Variants in GABBR2 observed in about 807,000 individuals in gnomAD.
The protein encoded by GABBR2 is G-protein coupled receptor 51.
A neutral mutation model predicts 105.6 loss-of-function variants in GABBR2; 23 were observed. That is an observed-to-expected ratio of 0.22 (90% confidence interval 0.16 to 0.31). The LOEUF is 0.31. Among genes scored for constraint, GABBR2 ranks in the 10% least tolerant of loss-of-function variants. The pLI is 1.00. For missense variants in GABBR2, 734 were observed against 1,245.5 expected (o/e 0.59, Z 6.18); for synonymous variants, 478 against 499.7 (o/e 0.96, Z 0.58).
intron 1 of GABBR2, among the ~76,000 whole-genome samples, chr9:98,644,560 G>A (rs1430873408): frequency 3.3e-5 from 5 of 152,130 alleles, no homozygotes; most frequent in Non-Finnish European, 7.3e-5. Context: ...ACTGGGAATG[G>A]GCTGGGCGTG....
rs531567207 is a variant in GABBR2, at chr9:98,415,304, G to A, written c.1237-9163C>T. 1.1e-4 allele frequency among the ~76,000 whole-genome samples: 17 copies of A among 152,098 alleles called. No homozygotes were observed. The East Asian group carries it at 2.5e-3, about 22-fold the overall frequency. ...CTTTTTAAAAAGATGTGATAAGGAG[G>A]CACATTTTACCGGCAAAAATAGCAA... On this transcript the variant is annotated intron_variant, in intron 7 of 18. Coordinates refer to ENST00000259455, the MANE Select transcript of GABBR2 (RefSeq NM_005458.8).
intron 13 of GABBR2, among the ~76,000 whole-genome samples, chr9:98,317,159 C>A (rs2131370317): frequency 6.6e-6 from 1 of 152,358 alleles, no homozygotes; most frequent in African/African-American, 2.4e-5. Flanking sequence ...TGAACTCAGG[C>A]TGATAAAATG....
chr9:98,641,032 C>T (rs1385169912), intron 1 of GABBR2, among the ~76,000 whole-genome samples: 2 of 152,114 alleles, frequency 1.3e-5, no homozygotes, highest in African/African-American at 4.8e-5. Flanking sequence ...TACTGAAATG[C>T]ACATACCTGG....
At chr9:98,627,003 G>A (rs923373500) in intron 1 of GABBR2, among the ~76,000 whole-genome samples, 1 of 152,182 alleles carries the variant, frequency 6.6e-6, no homozygotes, top group African/African-American at 2.4e-5. Context: ...TCTTGAGTGA[G>A]GACTGCAAGG....
chr9:98,385,366 C>T (rs906825053), intron 11 of GABBR2, among the ~76,000 whole-genome samples: 12 of 152,066 alleles, frequency 7.9e-5, no homozygotes, highest in African/African-American at 2.7e-4. Flanking sequence ...GCATGCCTGG[C>T]TAATTTTTTT....
intron 2 of GABBR2, among the ~76,000 whole-genome samples, chr9:98,557,968 C>T (rs2808525): frequency 0.28 from 42,219 of 152,040 alleles, 7,105 homozygotes; most frequent in East Asian, 0.49. Context: ...TAGAAATAAA[C>T]GTCTCCTACC....
chr9:98,561,406 G>T lies in GABBR2; in HGVS notation c.459+16529C>A, dbSNP rs1398037362. ...CAGGAAGAATCAGGGCTCCTTGGAGGAATGGCTGGAATGGAGGAATGGAGG... is the reference window on the plus strand; with the variant it reads ...CAGGAAGAATCAGGGCTCCTTGGAGTAATGGCTGGAATGGAGGAATGGAGG... On this transcript the variant is annotated intron_variant, in intron 2 of 18. Coordinates refer to ENST00000259455, the MANE Select transcript of GABBR2 (RefSeq NM_005458.8). Among the ~76,000 whole-genome samples the T allele has an allele frequency of 1.9e-4, 29 of 152,138 alleles. 1 individual carries two copies. Among genetic ancestry groups the T allele is most frequent in the Admixed American group, 1.9e-3 (29 of 15,274 alleles).
chr9:98,352,588 G>A (rs1235977088), intron 13 of GABBR2, among the ~76,000 whole-genome samples: 3 of 152,122 alleles, frequency 2.0e-5, no homozygotes, highest in African/African-American at 7.2e-5. Context: ...TGGTGTGCAT[G>A]GATGCTGGTT....
intron 1 of GABBR2, among the ~76,000 whole-genome samples, chr9:98,648,142 T>TAGATAGATAGATAGATAGAG: frequency 7.4e-6 from 1 of 134,662 alleles, no homozygotes; most frequent in African/African-American, 2.9e-5. Flanking sequence ...GATAGATAGA[T>TAGATAGATAGATAGATAGAG]AGATAGATAG....
At chr9:98,562,177 CA>C (rs539253554) in intron 2 of GABBR2, among the ~76,000 whole-genome samples, 14 of 152,124 alleles carry the variant, frequency 9.2e-5, no homozygotes, top group African/African-American at 3.1e-4. Context: ...GGGAAGAACA[CA>C]GCATAAAAAA....
chr9:98,379,856 A>T (rs925228520), intron 11 of GABBR2, among the ~76,000 whole-genome samples: 1 of 152,254 alleles, frequency 6.6e-6, no homozygotes, highest in Non-Finnish European at 1.5e-5. Flanking sequence ...TACACATTAA[A>T]AGGGCAAAAT....
intron 1 of GABBR2, among the ~76,000 whole-genome samples, chr9:98,645,671 G>T (rs1830020801): frequency 6.6e-6 from 1 of 152,202 alleles, no homozygotes; most frequent in South Asian, 2.1e-4. Context: ...CAGGGACAGT[G>T]TGGGCAGGAT....
intron 11 of GABBR2, among the ~76,000 whole-genome samples, chr9:98,384,410 G>A (rs1214347497): frequency 6.6e-6 from 1 of 152,104 alleles, no homozygotes; most frequent in Non-Finnish European, 1.5e-5. Context: ...GACCAACATG[G>A]AGAAACCCCG....
intron 1 of GABBR2, among the ~76,000 whole-genome samples, chr9:98,601,383 G>A (rs908909647): frequency 2.6e-5 from 4 of 152,082 alleles, no homozygotes; most frequent in Admixed American, 6.5e-5. Flanking sequence ...CGTGCATGGC[G>A]GTGCACATCT....
rs114099223 is a variant in GABBR2 at position 98,361,608 on chromosome 9, C to T, written c.1893+1107G>A. ...GGTGAATGGTGACCAGATGTCCCCC[C>T]GTCCAAAAATAGCCTGTCTGCTCGA... On this transcript the variant is annotated intron_variant, in intron 13 of 18. Coordinates refer to ENST00000259455, the MANE Select transcript of GABBR2 (RefSeq NM_005458.8). Among the ~76,000 whole-genome samples the T allele has an allele frequency of 8.0e-3, 1,218 of 152,288 alleles. 17 individuals carry two copies. Among genetic ancestry groups the T allele is most frequent in the African/African-American group, 0.027 (1,107 of 41,558 alleles).
intron 15 of GABBR2, chr9:98,304,403 G>C (rs969713870): frequency 6.6e-6 from 1 of 152,404 alleles, no homozygotes; most frequent in Admixed American, 6.5e-5. Context: ...CCTGATCCTA[G>C]AGCCAGGAGG....
intron 16 of GABBR2, among the ~76,000 whole-genome samples, chr9:98,301,281 G>C (rs1830464789): frequency 6.6e-6 from 1 of 152,214 alleles, no homozygotes. Flanking sequence ...TGTGGGATCT[G>C]AAGCTATCTC....
chr9:98,492,349 TAAAAA>T (rs574771107), intron 4 of GABBR2, among the ~76,000 whole-genome samples: 1,887 of 29,250 alleles, frequency 0.065, 100 homozygotes, highest in African/African-American at 0.13. Context: ...TGTTTCCTAG[TAAAAA>T]AAAAAAAAAA....
intron 5 of GABBR2, among the ~76,000 whole-genome samples, chr9:98,475,148 C>T (rs1826763271): frequency 6.6e-6 from 1 of 152,120 alleles, no homozygotes; most frequent in Admixed American, 6.5e-5. Context: ...TCATTTTAGA[C>T]ACTGTACTTC....
Sources: allele counts gnomAD v4.1 joint callset (sites outside exome capture counted in the v4.1 genomes callset), GRCh38; gene constraint gnomAD v4.1.1; transcripts MANE v1.5; gene names NCBI Gene and HGNC (gene_info 2026-07-23, HGNC 2026-07-21).